PHF24: variants seen among roughly 807,000 people sequenced by gnomAD.
PHF24 encodes PHD finger protein 24.
PHF24 carries 25 observed loss-of-function variants against 42.6 expected under a neutral mutation model. That is an observed-to-expected ratio of 0.59 (90% CI 0.43 to 0.82). The LOEUF is 0.82. PHF24 is among the 40% of genes least tolerant of loss of function. The probability of loss-of-function intolerance (pLI) is 0.00; values close to 1 mark genes in which losing one functional copy is unlikely to be tolerated. For synonymous variants in PHF24, 185 were observed against 204.8 expected (o/e 0.90, Z 0.83); for missense variants, 470 against 538.1 (o/e 0.87, Z 1.25).
the PHF24 span, among the ~76,000 whole-genome samples, chr9:34,914,422 G>A: frequency 1.3e-5 from 2 of 151,596 alleles, 1 homozygote; most frequent in African/African-American, 4.8e-5. Context: ...TTCTTTTTTT[G>A]TTGGTTTTCC....
chr9:34,760,924 A>G, the PHF24 span, among the ~76,000 whole-genome samples: 1 of 151,952 alleles, frequency 6.6e-6, no homozygotes, highest in Admixed American at 6.6e-5. Context: ...CCCAGGAGGT[A>G]GAGGCTGCAG....
chr9:34,903,452 G>C, the PHF24 span, among the ~76,000 whole-genome samples: 2 of 152,176 alleles, frequency 1.3e-5, no homozygotes, highest in African/African-American at 4.8e-5. Context: ...TGTAGCCCTA[G>C]CTACTCAGGA....
At chr9:34,666,522 C>T in the PHF24 span, among the ~76,000 whole-genome samples, 2 of 151,048 alleles carry the variant, frequency 1.3e-5, no homozygotes, top group Admixed American at 6.6e-5. Context: ...CATTGCCCTT[C>T]CTCTCTGGTC....
the PHF24 span, among the ~76,000 whole-genome samples, chr9:34,908,840 T>G: frequency 7.1e-6 from 1 of 140,440 alleles, no homozygotes; most frequent in Non-Finnish European, 1.6e-5. Context: ...TTCTTTTCTT[T>G]TCTTTTTTTT....
chr9:34,932,744 T>G, the PHF24 span, among the ~76,000 whole-genome samples: 2 of 151,622 alleles, frequency 1.3e-5, no homozygotes, highest in Non-Finnish European at 2.9e-5. Context: ...AAGTATATAC[T>G]TAAGTAATTT....
chr9:34,818,105 A>G, the PHF24 span, among the ~76,000 whole-genome samples: 1 of 152,250 alleles, frequency 6.6e-6, no homozygotes, highest in South Asian at 2.1e-4. Context: ...GAGACTGTCT[A>G]CAGAGACAAT....
chr9:34,763,173 T>C, the PHF24 span, among the ~76,000 whole-genome samples: 11 of 151,414 alleles, frequency 7.3e-5, no homozygotes, highest in Non-Finnish European at 1.2e-4. Flanking sequence ...ATTGACTTGG[T>C]GATGCGGGCT....
chr9:34,883,157 C>T, the PHF24 span, among the ~76,000 whole-genome samples: 243 of 152,232 alleles, frequency 1.6e-3, no homozygotes, highest in African/African-American at 4.9e-3. Context: ...AACTGGCTAG[C>T]CATATGTAGA....
the PHF24 span, among the ~76,000 whole-genome samples, chr9:34,854,002 T>TCCCCA: frequency 6.6e-6 from 1 of 152,106 alleles, no homozygotes; most frequent in South Asian, 2.1e-4. Flanking sequence ...TAATTTAGTC[T>TCCCCA]TGGGAGGCTG....
the PHF24 span, among the ~76,000 whole-genome samples, chr9:34,874,152 T>G: frequency 4.7e-4 from 72 of 152,282 alleles, no homozygotes; most frequent in African/African-American, 1.7e-3. Flanking sequence ...CAGGGACAAT[T>G]GGACTTCCTC....
the PHF24 span, among the ~76,000 whole-genome samples, chr9:34,670,056 T>A: frequency 1.3e-5 from 2 of 152,206 alleles, no homozygotes; most frequent in Non-Finnish European, 2.9e-5. Context: ...TAAAACTTTC[T>A]GGTTGATGAA....
the PHF24 span, among the ~76,000 whole-genome samples, chr9:34,735,209 C>T: frequency 2.1e-5 from 3 of 145,748 alleles, no homozygotes; most frequent in Non-Finnish European, 4.5e-5. Context: ...AATCTCAGCT[C>T]ACTGCAACCT....
the PHF24 span, among the ~76,000 whole-genome samples, chr9:34,683,341 G>A: frequency 6.6e-6 from 1 of 152,258 alleles, no homozygotes; most frequent in African/African-American, 2.4e-5. Flanking sequence ...GATTAAAGGC[G>A]TGAGCCACCA....
the PHF24 span, among the ~76,000 whole-genome samples, chr9:34,711,634 C>T: frequency 6.6e-6 from 1 of 151,888 alleles, no homozygotes; most frequent in African/African-American, 2.4e-5. Context: ...CCTCCACCCT[C>T]CGGGTTCAAG....
the PHF24 span, among the ~76,000 whole-genome samples, chr9:34,739,438 CAA>C: frequency 6.6e-6 from 1 of 152,188 alleles, no homozygotes; most frequent in Non-Finnish European, 1.5e-5. Context: ...TATATTTCCA[CAA>C]AGACATATGA....
At chr9:34,689,975 G>A in the PHF24 span, 1 of 1,614,108 alleles carries the variant, frequency 6.2e-7, no homozygotes, top group East Asian at 2.2e-5. The surrounding 1 kb of genome is among the most constrained non-coding windows in gnomAD (Gnocchi z 4.1). Context: ...GTTCTACCCA[G>A]GGCTGGTCTG....
At chr9:34,918,615 G>T in the PHF24 span, among the ~76,000 whole-genome samples, 1 of 152,034 alleles carries the variant, frequency 6.6e-6, no homozygotes, top group African/African-American at 2.4e-5. Flanking sequence ...CTTAGCAGTG[G>T]TTATTTTGGT....
chr9:34,723,331 G>A, the PHF24 span: 1 of 1,551,688 alleles, frequency 6.4e-7, no homozygotes, highest in Non-Finnish European at 8.7e-7. Context: ...CAGGTTGTCT[G>A]GAGTGTAGCC....
At chr9:34,703,100 C>T in the PHF24 span, among the ~76,000 whole-genome samples, 1 of 152,070 alleles carries the variant, frequency 6.6e-6, no homozygotes, top group African/African-American at 2.4e-5. Context: ...AGTGACAGAC[C>T]CCACCCCTCT....
Sources: gnomAD v4.1 joint callset for allele counts (sites outside exome capture counted in the v4.1 genomes callset) on GRCh38, gnomAD v4.1.1 for gene constraint, Gnocchi (gnomAD v3.1) non-coding constraint, MANE v1.5 for transcripts, NCBI Gene and HGNC (gene_info 2026-07-23, HGNC 2026-07-21) for gene names.